Variants in CDKAL1 observed in about 807,000 individuals in gnomAD.
CDKAL1 encodes CDKAL1 threonylcarbamoyladenosine tRNA methylthiotransferase, also known as threonylcarbamoyladenosine tRNA methylthiotransferase.
A neutral mutation model predicts 68.2 loss-of-function variants in CDKAL1; 32 were observed. The ratio of observed to expected loss-of-function variants is 0.47; its 90% CI spans 0.35 to 0.63. The LOEUF is 0.63. Among genes scored for constraint, CDKAL1 ranks in the 30% least tolerant of loss-of-function variants. The probability of loss-of-function intolerance (pLI) is 0.00; values close to 1 mark genes in which losing one functional copy is unlikely to be tolerated. For synonymous variants in CDKAL1, 234 were observed against 244.3 expected, an observed-to-expected ratio of 0.96 and a Z score of 0.39; for missense variants, 606 against 696.7, an observed-to-expected ratio of 0.87 and a Z score of 1.47.
At chr6:20,586,061 G>T (rs1765341242) in intron 4 of CDKAL1, among the ~76,000 whole-genome samples, 1 of 152,106 alleles carries the variant, frequency 6.6e-6, no homozygotes, top group Non-Finnish European at 1.5e-5. Flanking sequence ...ATAACTACTT[G>T]TTTCCACATC....
intron 9 of CDKAL1, among the ~76,000 whole-genome samples, chr6:20,898,560 A>G (rs1761809771): frequency 6.6e-6 from 1 of 151,542 alleles, no homozygotes; most frequent in Admixed American, 6.6e-5. Context: ...CTTACTCTTG[A>G]CTATTGATGG....
At chr6:21,096,813 C>T (rs1175028426) in intron 12 of CDKAL1, among the ~76,000 whole-genome samples, 1 of 152,122 alleles carries the variant, frequency 6.6e-6, no homozygotes, top group African/African-American at 2.4e-5. Flanking sequence ...TAGACAGCAG[C>T]GAGTTTGTTG....
At chr6:20,641,572 T>A (rs1462310573) in intron 4 of CDKAL1, among the ~76,000 whole-genome samples, 11 of 152,254 alleles carry the variant, frequency 7.2e-5, no homozygotes. Flanking sequence ...CTTTTTTCTT[T>A]TTCCTTTGTA....
intron 4 of CDKAL1, among the ~76,000 whole-genome samples, chr6:20,647,745 G>T (rs1768544691): frequency 6.6e-6 from 1 of 152,068 alleles, no homozygotes; most frequent in African/African-American, 2.4e-5. Flanking sequence ...GTAGGGAAGT[G>T]ACATAATTGA....
At chr6:20,602,249 CTTTA>C (rs910192331) in intron 4 of CDKAL1, among the ~76,000 whole-genome samples, 1 of 152,180 alleles carries the variant, frequency 6.6e-6, no homozygotes, top group Non-Finnish European at 1.5e-5. Context: ...TTCTGCTTCC[CTTTA>C]TTTATCAGTC....
Position 20,938,018 on chromosome 6 carries a change from TCTTA to T in CDKAL1, c.743-17399_743-17396del, listed in dbSNP as rs1763803137. 1.3e-5 allele frequency among the ~76,000 whole-genome samples: 2 copies of T among 152,194 alleles called. 1 individual carries two copies. Among genetic ancestry groups the T allele is most frequent in the East Asian group, 3.8e-4 (2 of 5,202 alleles). On this transcript the variant is annotated intron_variant, in intron 9 of 15. Transcript: ENST00000274695. Reference sequence around the variant, plus strand: ...TGTTTGCCAGATGTTGATTTTCCTATCTTACCTTTTACATTCAGTAATTAAAATT... The same window carrying T: ...TGTTTGCCAGATGTTGATTTTCCTATCCTTTTACATTCAGTAATTAAAATT...
At chr6:20,853,915 G>A (rs899356356) in intron 9 of CDKAL1, among the ~76,000 whole-genome samples, 18 of 152,168 alleles carry the variant, frequency 1.2e-4, no homozygotes, top group Non-Finnish European at 2.5e-4. Context: ...CAACACAATC[G>A]TTGTTAATTT....
chr6:21,105,048 G>A (rs1773779520), intron 12 of CDKAL1, among the ~76,000 whole-genome samples: 1 of 152,054 alleles, frequency 6.6e-6, no homozygotes, highest in African/African-American at 2.4e-5. Flanking sequence ...TTTCCCCAGT[G>A]TTTTATATCA....
At chr6:21,165,593 C>T (rs1777118564) in intron 13 of CDKAL1, among the ~76,000 whole-genome samples, 2 of 152,314 alleles carry the variant, frequency 1.3e-5, no homozygotes, top group Middle Eastern at 6.8e-3. Flanking sequence ...GAAGAAACAA[C>T]ATTAGTAAAT....
At chr6:21,042,743 G>A (rs1382276143) in intron 11 of CDKAL1, among the ~76,000 whole-genome samples, 3 of 152,118 alleles carry the variant, frequency 2.0e-5, no homozygotes, top group East Asian at 1.9e-4. Flanking sequence ...TCTTACTGAT[G>A]TACCGCTTCA....
intron 12 of CDKAL1, among the ~76,000 whole-genome samples, chr6:21,073,349 C>T (rs758336639): frequency 2.0e-5 from 3 of 152,110 alleles, no homozygotes; most frequent in South Asian, 4.2e-4. Flanking sequence ...CAAAGAGGAG[C>T]GTGATTGCTG....
At chr6:20,570,756 CTG>C (rs1373225373) in intron 4 of CDKAL1, among the ~76,000 whole-genome samples, 1 of 152,074 alleles carries the variant, frequency 6.6e-6, no homozygotes, top group Non-Finnish European at 1.5e-5. Context: ...TTGAATGAAA[CTG>C]TAGAAGGAAA....
intron 9 of CDKAL1, among the ~76,000 whole-genome samples, chr6:20,874,429 A>C (rs1415807889): frequency 6.6e-6 from 1 of 151,856 alleles, no homozygotes; most frequent in Non-Finnish European, 1.5e-5. Context: ...TCAGCCTTCC[A>C]AGTAGGTGTG....
At chr6:21,051,469 A>G (rs1268195413) in intron 11 of CDKAL1, among the ~76,000 whole-genome samples, 1 of 152,198 alleles carries the variant, frequency 6.6e-6, no homozygotes, top group Non-Finnish European at 1.5e-5. Flanking sequence ...TGACATAGGT[A>G]AGAGATAAGG....
chr6:21,149,891 T>C (rs1776329948), intron 13 of CDKAL1, among the ~76,000 whole-genome samples: 1 of 152,166 alleles, frequency 6.6e-6, no homozygotes, highest in Non-Finnish European at 1.5e-5. Context: ...AGAGTCTTGC[T>C]CTGGCACCCA....
At chr6:20,980,220 G>GAT (rs760517027) in intron 10 of CDKAL1, among the ~76,000 whole-genome samples, 1 of 148,540 alleles carries the variant, frequency 6.7e-6, no homozygotes, top group Non-Finnish European at 1.5e-5. Context: ...TATAGATATA[G>GAT]ATATAGATAT....
intron 13 of CDKAL1, among the ~76,000 whole-genome samples, chr6:21,124,885 T>C (rs1774912608): frequency 6.6e-6 from 1 of 152,038 alleles, no homozygotes; most frequent in South Asian, 2.1e-4. Flanking sequence ...CTCAGTCACT[T>C]ACAGGATACA....
At chr6:21,155,773 G>A (rs929057248) in intron 13 of CDKAL1, among the ~76,000 whole-genome samples, 3 of 152,186 alleles carry the variant, frequency 2.0e-5, no homozygotes, top group Non-Finnish European at 2.9e-5. Context: ...CATAAAATCT[G>A]TGAGAAGGGC....
At chr6:20,835,237 C>T (rs1777882729) in intron 8 of CDKAL1, among the ~76,000 whole-genome samples, 1 of 152,130 alleles carries the variant, frequency 6.6e-6, no homozygotes, top group Non-Finnish European at 1.5e-5. Context: ...TATGTCAACA[C>T]TTACCAAATT....
Sources: gnomAD v4.1 joint callset for allele counts (sites outside exome capture counted in the v4.1 genomes callset) on GRCh38, gnomAD v4.1.1 for gene constraint, MANE v1.5 for transcripts, NCBI Gene and HGNC (gene_info 2026-07-23, HGNC 2026-07-21) for gene names.